PSMG2: variants seen among roughly 807,000 people sequenced by gnomAD.
The protein encoded by PSMG2 is CD40 ligand-activated specific transcript 3.
In PSMG2, 21 loss-of-function variants were observed where a neutral mutation model predicts 31.5. The observed-to-expected ratio is 0.67, with a 90% CI of 0.47 to 0.96. The LOEUF is 0.96. PSMG2 is among the 40% of genes least tolerant of loss of function. The probability of loss-of-function intolerance (pLI) is 0.00; values close to 1 mark genes in which losing one functional copy is unlikely to be tolerated. For missense variants in PSMG2, 318 were observed against 321.2 expected (o/e 0.99, Z 0.08); for synonymous variants, 120 against 110.4 (o/e 1.09, Z -0.54).
upstream of PSMG2, among the ~76,000 whole-genome samples, chr18:12,702,121 C>G (rs2040176498): frequency 6.6e-6 from 1 of 152,162 alleles, no homozygotes; most frequent in South Asian, 2.1e-4. Flanking sequence ...GAGACTCCGT[C>G]TCAAGAAAGA....
At chr18:12,686,790 AGTAT>A (rs2039555550) in intron 1 of PSMG2, 1 of 172,826 alleles carries the variant, frequency 5.8e-6, no homozygotes, top group Admixed American at 5.7e-5. Context: ...TCTAAGCTGA[AGTAT>A]TTTTTCACAT....
chr18:12,709,808 G>T (rs930210427), intron 2 of PSMG2, among the ~76,000 whole-genome samples: 1 of 151,506 alleles, frequency 6.6e-6, no homozygotes, highest in Non-Finnish European at 1.5e-5. Context: ...CCTAATTTTT[G>T]TATTTTTAGT....
At chr18:12,672,577 G>A (rs1436034351) in intron 1 of PSMG2, 1 of 816,620 alleles carries the variant, frequency 1.2e-6, no homozygotes, top group East Asian at 1.2e-4. Flanking sequence ...GGTTTCAGAA[G>A]ATAGAATCCA....
chr18:12,721,624 C>A (rs11875203), intron 5 of PSMG2, among the ~76,000 whole-genome samples: 1 of 151,284 alleles, frequency 6.6e-6, no homozygotes, highest in African/African-American at 2.4e-5. Context: ...CTTTTTTTTC[C>A]TAGTCAAGCT....
chr18:12,659,918 T>C (rs890784870), intron 1 of PSMG2, among the ~76,000 whole-genome samples: 1 of 152,064 alleles, frequency 6.6e-6, no homozygotes, highest in Admixed American at 6.6e-5. Flanking sequence ...AGACAAACAT[T>C]CCCAAATTTT....
chr18:12,716,552 C>T (rs1197692352), intron 3 of PSMG2, among the ~76,000 whole-genome samples: 4 of 151,946 alleles, frequency 2.6e-5, no homozygotes, highest in Non-Finnish European at 4.4e-5. Context: ...CACCATCACG[C>T]CCGGCTAATT....
At chr18:12,725,030 G>T (rs919137477) in intron 6 of PSMG2, among the ~76,000 whole-genome samples, 1 of 152,192 alleles carries the variant, frequency 6.6e-6, no homozygotes, top group Non-Finnish European at 1.5e-5. Flanking sequence ...TATGAAATGA[G>T]AGCATTACAC....
chr18:12,715,544 C>T (rs569721745), intron 3 of PSMG2, among the ~76,000 whole-genome samples: 4 of 152,098 alleles, frequency 2.6e-5, no homozygotes, highest in Non-Finnish European at 4.4e-5. Context: ...TTGCTCTTGT[C>T]GCCCAGGCTG....
intron 1 of PSMG2, among the ~76,000 whole-genome samples, chr18:12,666,672 A>T (rs1359112099): frequency 6.7e-6 from 1 of 149,972 alleles, no homozygotes; most frequent in East Asian, 2.0e-4. Context: ...CTGGTCTCGA[A>T]CTCCTCACTC....
chr18:12,659,831 CAG>C (rs1330278615), intron 1 of PSMG2, among the ~76,000 whole-genome samples: 2 of 152,020 alleles, frequency 1.3e-5, no homozygotes, highest in Non-Finnish European at 2.9e-5. Flanking sequence ...TGCCAAAGCC[CAG>C]AGAGGCAAAC....
intron 1 of PSMG2, chr18:12,685,683 G>A (rs1401079173): frequency 6.6e-6 from 1 of 151,156 alleles, no homozygotes; most frequent in Non-Finnish European, 1.5e-5. Flanking sequence ...TCAGGCTAGA[G>A]TGCAATGGTG....
chr18:12,702,081 G>C (rs182675551), upstream of PSMG2, among the ~76,000 whole-genome samples: 1 of 152,146 alleles, frequency 6.6e-6, no homozygotes, highest in Non-Finnish European at 1.5e-5. Context: ...AGCCGAGATC[G>C]TGCCACTGCA....
intron 1 of PSMG2, chr18:12,673,146 T>C: frequency 1.4e-5 from 16 of 1,161,600 alleles, no homozygotes; most frequent in Non-Finnish European, 1.6e-5. Flanking sequence ...ACTTAATTTA[T>C]ACTAAATTCC....
intron 1 of PSMG2, among the ~76,000 whole-genome samples, chr18:12,665,705 A>T (rs931663089): frequency 7.2e-5 from 11 of 152,154 alleles, no homozygotes; most frequent in African/African-American, 2.6e-4. Flanking sequence ...ATTTTTTTTT[A>T]ATTTTTTTTG....
intron 1 of PSMG2, among the ~76,000 whole-genome samples, chr18:12,664,311 A>C (rs1222872541): frequency 6.6e-6 from 1 of 152,184 alleles, no homozygotes; most frequent in African/African-American, 2.4e-5. Context: ...TGAGAGGCCG[A>C]GAAGGGTGGA....
intron 1 of PSMG2, among the ~76,000 whole-genome samples, chr18:12,669,331 C>T (rs1431141939): frequency 2.6e-5 from 4 of 151,818 alleles, no homozygotes; most frequent in Admixed American, 6.6e-5. Context: ...AGGCTGGTCT[C>T]GAACTCCTGA....
chr18:12,676,923 G>A (rs1225290516), intron 1 of PSMG2, among the ~76,000 whole-genome samples: 1 of 152,134 alleles, frequency 6.6e-6, no homozygotes, highest in Non-Finnish European at 1.5e-5. Context: ...GGTGAGGAGT[G>A]GAACAGGGAA....
At chr18:12,701,157 G>C (rs1362845365), upstream of PSMG2, 69 of 1,456,948 alleles carry the variant, frequency 4.7e-5, no homozygotes, top group Non-Finnish European at 6.4e-5. Flanking sequence ...TCACAAAGCA[G>C]TCAAATACTG....
chr18:12,715,172 C>T (rs1568043199), intron 3 of PSMG2, among the ~76,000 whole-genome samples: 1 of 151,314 alleles, frequency 6.6e-6, no homozygotes. Context: ...CCACACCTGG[C>T]TAATTTTTGT....
Sources: allele counts gnomAD v4.1 joint callset (sites outside exome capture counted in the v4.1 genomes callset), GRCh38; gene constraint gnomAD v4.1.1; transcripts MANE v1.5; gene names NCBI Gene and HGNC (gene_info 2026-07-23, HGNC 2026-07-21).